The following ST8SIA6 variants were observed in gnomAD, a reference collection of about 807,000 sequenced individuals.
The protein encoded by ST8SIA6 is alpha-2,8-sialyltransferase 8F.
ST8SIA6 carries 39 observed loss-of-function variants against 33.6 expected under a neutral mutation model. That is an observed-to-expected ratio of 1.16 (90% CI 0.90 to 1.52). ST8SIA6 has a LOEUF of 1.52. Ranked by LOEUF, ST8SIA6 falls within the 40% of genes most tolerant of loss-of-function variation. The probability of loss-of-function intolerance (pLI) is 0.00; values close to 1 mark genes in which losing one functional copy is unlikely to be tolerated. For missense variants in ST8SIA6, 441 were observed against 443.8 expected, an observed-to-expected ratio of 0.99 and a Z score of 0.06; for synonymous variants, 172 against 167.2, an observed-to-expected ratio of 1.03 and a Z score of -0.22.
chr10:17,331,449 C>A lies in ST8SIA6; in HGVS notation c.481G>T (p.Glu161Ter). ...NMSYEVESKK[E>*]IPIKKNIFHM... ...AAAATGTTCTTCTTAATTGGGATTT[C>A]TTTTTTGCTTTCCACCTCGTAACTC... The change falls in exon 5 of 8, where the codon GAA (glutamate) becomes TAA (stop). Residue 161 changes from glutamate (E) to a stop codon, truncating the protein, a stop_gained. Coordinates refer to ENST00000377602, the MANE Select transcript of ST8SIA6 (RefSeq NM_001004470.3). LOFTEE classifies it high-confidence loss of function. 2 of 1,613,456 alleles carry A rather than the reference C, an allele frequency of 1.2e-6. No individual in the cohort carries two copies. The highest frequency in any genetic ancestry group is 1.7e-6 in the Non-Finnish European group (2 of 1,179,784).
intron 4 of ST8SIA6, among the ~76,000 whole-genome samples, chr10:17,347,303 G>A (rs1235626612): frequency 6.6e-6 from 1 of 152,162 alleles, no homozygotes; most frequent in Admixed American, 6.5e-5. Flanking sequence ...TGAGACTTTA[G>A]CAAAAGTTTG....
At chr10:17,425,356 A>T (rs989392367) in intron 2 of ST8SIA6, among the ~76,000 whole-genome samples, 2 of 152,014 alleles carry the variant, frequency 1.3e-5, no homozygotes, top group African/African-American at 4.8e-5. Flanking sequence ...ATCACCTGAG[A>T]TCAAGAGTTC....
intron 4 of ST8SIA6, among the ~76,000 whole-genome samples, chr10:17,353,016 A>ACCC: frequency 6.6e-6 from 1 of 152,310 alleles, no homozygotes; most frequent in South Asian, 2.1e-4. Flanking sequence ...GTCACCCTGT[A>ACCC]TGAATTGTAA....
At position 17,319,357 on chromosome 10, in the gene ST8SIA6, G is replaced by A. The variant is rs45450791; in HGVS notation, c.*1521C>T. On this transcript the variant is annotated 3_prime_UTR_variant, in exon 8 of 8. Transcript: ENST00000377602. ...ACTATAACACACTTTATGAAATCTC[G>A]GGGTGTCTGTTTAGCCAAAGATTTT... Among the ~76,000 whole-genome samples the A allele has an allele frequency of 2.3e-3, 349 of 152,156 alleles. 2 individuals are homozygous for A. The highest frequency in any genetic ancestry group is 3.9e-3 in the Non-Finnish European group (264 of 67,990).
At chr10:17,325,827 T>C (rs1848113617) in intron 6 of ST8SIA6, among the ~76,000 whole-genome samples, 1 of 152,210 alleles carries the variant, frequency 6.6e-6, no homozygotes, top group South Asian at 2.1e-4. Context: ...ATTTTAGAAT[T>C]ATAAGTGAAA....
Position 17,315,963 on chromosome 10 carries a change from A to G in ST8SIA6, c.*4915T>C, listed in dbSNP as rs1847761439. Among the ~76,000 whole-genome samples, 2 of 152,040 alleles carry G rather than the reference A, an allele frequency of 1.3e-5. No individual in the cohort carries two copies. The highest frequency in any genetic ancestry group is 4.1e-4 in the South Asian group (2 of 4,828). On this transcript the variant is annotated 3_prime_UTR_variant, in exon 8 of 8. Transcript: ENST00000377602. ...GAAATAATATTGGCTTTAGAGTCAG[A>G]CATATGAGTTGAATACTAGCTCTGC...
chr10:17,350,693 G>A (rs1849002107), intron 4 of ST8SIA6, among the ~76,000 whole-genome samples: 1 of 151,088 alleles, frequency 6.6e-6, no homozygotes, highest in Admixed American at 6.6e-5. Context: ...TTAAAATAGA[G>A]TTGTCTATTG....
intron 2 of ST8SIA6, among the ~76,000 whole-genome samples, chr10:17,442,853 A>G (rs1323120817): frequency 1.3e-5 from 2 of 152,216 alleles, no homozygotes; most frequent in African/African-American, 2.4e-5. Context: ...CTCACTGTCT[A>G]TCCATCCTGT....
intron 3 of ST8SIA6, among the ~76,000 whole-genome samples, chr10:17,385,753 C>G (rs775940732): frequency 1.3e-5 from 2 of 152,146 alleles, no homozygotes; most frequent in Admixed American, 6.5e-5. Flanking sequence ...AGAAGCCTGA[C>G]AGAGGTCTCA....
At chr10:17,425,161 G>C (rs895248131) in intron 2 of ST8SIA6, among the ~76,000 whole-genome samples, 2 of 151,876 alleles carry the variant, frequency 1.3e-5, no homozygotes, top group African/African-American at 2.4e-5. Context: ...AAACATATAC[G>C]TATATTTTAT....
chr10:17,444,827 TA>T (rs1852645160), intron 2 of ST8SIA6, among the ~76,000 whole-genome samples: 1 of 152,120 alleles, frequency 6.6e-6, no homozygotes. Flanking sequence ...CTCTGAGTCT[TA>T]AAAGAGAAGG....
At chr10:17,376,613 A>G (rs1849924080) in intron 3 of ST8SIA6, among the ~76,000 whole-genome samples, 1 of 152,232 alleles carries the variant, frequency 6.6e-6, no homozygotes, top group African/African-American at 2.4e-5. Flanking sequence ...TGAGGCAATG[A>G]GGAATAAGAT....
intron 2 of ST8SIA6, among the ~76,000 whole-genome samples, chr10:17,397,498 G>C (rs535646753): frequency 6.6e-6 from 1 of 152,124 alleles, no homozygotes; most frequent in African/African-American, 2.4e-5. Context: ...GCCTCCCAAA[G>C]TGCTGGGATT....
chr10:17,402,002 A>G (rs1851059843), intron 2 of ST8SIA6, among the ~76,000 whole-genome samples: 2 of 152,220 alleles, frequency 1.3e-5, no homozygotes, highest in African/African-American at 2.4e-5. Flanking sequence ...GGCAACCTAC[A>G]GAATGGGAGA....
intron 2 of ST8SIA6, among the ~76,000 whole-genome samples, chr10:17,445,555 C>T (rs1852674579): frequency 6.6e-6 from 1 of 152,206 alleles, no homozygotes; most frequent in Non-Finnish European, 1.5e-5. Flanking sequence ...GAATAGAGAG[C>T]CTGCCCCAAC....
chr10:17,338,325 G>A (rs988723915), intron 4 of ST8SIA6, among the ~76,000 whole-genome samples: 2 of 152,196 alleles, frequency 1.3e-5, no homozygotes, highest in African/African-American at 4.8e-5. Flanking sequence ...GAGCCACCGT[G>A]CCCGGCTGTT....
intron 2 of ST8SIA6, among the ~76,000 whole-genome samples, chr10:17,417,729 C>T (rs1851648829): frequency 6.6e-6 from 1 of 152,182 alleles, no homozygotes; most frequent in African/African-American, 2.4e-5. Context: ...CCTGCTTCTC[C>T]TTTTGTTCCT....
At chr10:17,323,823 TATTG>T (rs1848042090) in intron 6 of ST8SIA6, among the ~76,000 whole-genome samples, 1 of 152,224 alleles carries the variant, frequency 6.6e-6, no homozygotes, top group African/African-American at 2.4e-5. Context: ...ATATTATTTC[TATTG>T]ATTATGTTCC....
At chr10:17,433,504 C>T (rs1159122232) in intron 2 of ST8SIA6, among the ~76,000 whole-genome samples, 1 of 152,160 alleles carries the variant, frequency 6.6e-6, no homozygotes. Flanking sequence ...TCATGATAGA[C>T]CCCAACTGAT....
Sources: gnomAD v4.1 joint callset for allele counts (sites outside exome capture counted in the v4.1 genomes callset) on GRCh38, gnomAD v4.1.1 for gene constraint, MANE v1.5 for transcripts, NCBI Gene and HGNC (gene_info 2026-07-23, HGNC 2026-07-21) for gene names.